The following DCLK1 variants were observed in gnomAD, a reference collection of about 807,000 sequenced individuals.
The protein encoded by DCLK1 is serine/threonine-protein kinase DCLK1.
In DCLK1, 16 loss-of-function variants were observed where a neutral mutation model predicts 86.2. The observed-to-expected ratio is 0.19, with a 90% CI of 0.13 to 0.28. The LOEUF (loss-of-function observed/expected upper bound fraction) is 0.28. DCLK1 is among the 10% of genes least tolerant of loss of function. The pLI is 1.00. For missense variants in DCLK1, 590 were observed against 940.2 expected, an observed-to-expected ratio of 0.63 and a Z score of 4.87; for synonymous variants, 369 against 370.5, an observed-to-expected ratio of 1.00 and a Z score of 0.05.
At chr13:36,111,026 G>A (rs1217398357) in intron 3 of DCLK1, among the ~76,000 whole-genome samples, 1 of 151,726 alleles carries the variant, frequency 6.6e-6, no homozygotes, top group Non-Finnish European at 1.5e-5. Context: ...AGTAGAGACG[G>A]GGTTTCACCC....
chr13:35,831,491 G>A (rs983973131), intron 8 of DCLK1, among the ~76,000 whole-genome samples: 7 of 152,058 alleles, frequency 4.6e-5, no homozygotes, highest in African/African-American at 7.2e-5. Flanking sequence ...TGCATACCTC[G>A]AACTCTGAGG....
At chr13:36,031,391 G>A (rs1593833258) in intron 3 of DCLK1, among the ~76,000 whole-genome samples, 1 of 151,670 alleles carries the variant, frequency 6.6e-6, no homozygotes, top group East Asian at 1.9e-4. Flanking sequence ...CAAGTAGCTT[G>A]AACTCTGCAG....
chr13:35,885,592 G>T (rs955498126), intron 4 of DCLK1, among the ~76,000 whole-genome samples: 1 of 152,148 alleles, frequency 6.6e-6, no homozygotes, highest in African/African-American at 2.4e-5. Flanking sequence ...TTACTTTCAA[G>T]AAATAAGCAC....
At chr13:35,798,275 C>T (rs556901882) in intron 15 of DCLK1, among the ~76,000 whole-genome samples, 1 of 152,300 alleles carries the variant, frequency 6.6e-6, no homozygotes, top group Admixed American at 6.5e-5. Flanking sequence ...GAATTCCTCG[C>T]TTTCCTCTGG....
chr13:36,129,749 C>A (rs1215128131), intron 1 of DCLK1, among the ~76,000 whole-genome samples: 1 of 152,168 alleles, frequency 6.6e-6, no homozygotes, highest in Non-Finnish European at 1.5e-5. Flanking sequence ...AGGATGGTAA[C>A]CACAGCACCT....
intron 3 of DCLK1, among the ~76,000 whole-genome samples, chr13:36,021,697 C>A (rs75137220): frequency 6.6e-6 from 1 of 151,872 alleles, no homozygotes; most frequent in African/African-American, 2.4e-5. Flanking sequence ...CAAGAAGATA[C>A]GGTAATTAAG....
At chr13:35,894,525 A>C (rs1362549338) in intron 4 of DCLK1, among the ~76,000 whole-genome samples, 5 of 144,496 alleles carry the variant, frequency 3.5e-5, no homozygotes, top group African/African-American at 1.3e-4. Flanking sequence ...CTGCTACACA[A>C]TCTTATCTTT....
chr13:35,808,464 TG>T, intron 13 of DCLK1, 144 bp from the exon 14 acceptor site: 1 of 750,444 alleles, frequency 1.3e-6, no homozygotes, highest in East Asian at 2.6e-5. Flanking sequence ...AAAATGTCAA[TG>T]TGGATCTGTT....
intron 3 of DCLK1, among the ~76,000 whole-genome samples, chr13:36,093,015 C>T (rs7326316): frequency 0.41 from 62,374 of 151,890 alleles, 12,871 homozygotes; most frequent in East Asian, 0.52. Context: ...GTTAACATCA[C>T]TGATAATTAG....
intron 4 of DCLK1, among the ~76,000 whole-genome samples, chr13:35,925,076 A>G (rs1876036300): frequency 6.6e-6 from 1 of 152,238 alleles, no homozygotes; most frequent in African/African-American, 2.4e-5. Flanking sequence ...TTACTGGCTA[A>G]TAATTCACCA....
At chr13:35,962,163 G>A (rs1323994064) in intron 3 of DCLK1, among the ~76,000 whole-genome samples, 1 of 152,130 alleles carries the variant, frequency 6.6e-6, no homozygotes, top group Non-Finnish European at 1.5e-5. Flanking sequence ...GGGTTGAACT[G>A]TGCCCCCCAA....
At chr13:35,953,748 T>A (rs572428935) in intron 3 of DCLK1, among the ~76,000 whole-genome samples, 5 of 152,290 alleles carry the variant, frequency 3.3e-5, no homozygotes, top group Middle Eastern at 3.4e-3. Context: ...CCATTCCCCC[T>A]CACTGGAATA....
chr13:35,928,557 C>CT (rs1876253192), intron 4 of DCLK1, among the ~76,000 whole-genome samples: 1 of 152,144 alleles, frequency 6.6e-6, no homozygotes, highest in South Asian at 2.1e-4. Flanking sequence ...CTTCATGGCA[C>CT]TTACCTTCCG....
chr13:36,120,097 A>G (rs1885931399), intron 2 of DCLK1, among the ~76,000 whole-genome samples: 1 of 152,240 alleles, frequency 6.6e-6, no homozygotes, highest in South Asian at 2.1e-4. Context: ...TATGACTTCC[A>G]TTAAAATATT....
intron 5 of DCLK1, chr13:35,855,807 C>G: frequency 8.0e-7 from 1 of 1,253,714 alleles, no homozygotes; most frequent in Middle Eastern, 3.1e-4. Context: ...CCCGACACCA[C>G]TCCCTTCCGG....
chr13:35,799,025 G>A (rs1566538203), intron 15 of DCLK1, among the ~76,000 whole-genome samples: 1 of 152,162 alleles, frequency 6.6e-6, no homozygotes, highest in South Asian at 2.1e-4. Flanking sequence ...GTGATAGAAA[G>A]TCTTGAATTG....
rs1870919249 is a variant in DCLK1, at chr13:35,854,659, C to T, written c.941-66G>A. On this transcript the variant is annotated intron_variant, in intron 5 of 16. Coordinates refer to ENST00000360631, the MANE Select transcript of DCLK1 (RefSeq NM_001330071.2). Reference sequence around the variant, plus strand: ...TTAAATAATTTTCATGACAAATCATCTTCTGCAAGAAATAAACAATTATAT... The same window carrying T: ...TTAAATAATTTTCATGACAAATCATTTTCTGCAAGAAATAAACAATTATAT... 5 of 1,390,784 alleles carry T rather than the reference C, an allele frequency of 3.6e-6. No individual in the cohort carries two copies. The East Asian group carries it at 1.2e-4, about 34-fold the overall frequency. 86.2% of individuals were successfully genotyped at this position (1,390,784 alleles called of 1,614,324 possible).
At chr13:36,000,601 G>A (rs1024903362) in intron 3 of DCLK1, among the ~76,000 whole-genome samples, 6 of 151,870 alleles carry the variant, frequency 4.0e-5, no homozygotes, top group African/African-American at 2.4e-5. Context: ...TAAAGTCATC[G>A]AAAGCAACCT....
At chr13:35,788,557 CA>C (rs2086659503) in intron 16 of DCLK1, among the ~76,000 whole-genome samples, 1 of 152,124 alleles carries the variant, frequency 6.6e-6, no homozygotes, top group Admixed American at 6.5e-5. Context: ...CTCTCAATTT[CA>C]AAAGATATAA....
Sources: gnomAD v4.1 joint callset for allele counts (sites outside exome capture counted in the v4.1 genomes callset) on GRCh38, gnomAD v4.1.1 for gene constraint, MANE v1.5 for transcripts, NCBI Gene and HGNC (gene_info 2026-07-23, HGNC 2026-07-21) for gene names.